Variants in CDS1 observed in about 807,000 individuals in gnomAD.
CDS1 encodes CDP-diacylglycerol synthase 1.
CDS1 carries 41 observed loss-of-function variants against 62.1 expected under a neutral mutation model. That is an observed-to-expected ratio of 0.66 (90% CI 0.51 to 0.86). The LOEUF is 0.86. CDS1 is among the 40% of genes least tolerant of loss of function. The pLI is 0.00. For synonymous variants in CDS1, 185 were observed against 192.6 expected, an observed-to-expected ratio of 0.96 and a Z score of 0.32; for missense variants, 470 against 550.1, an observed-to-expected ratio of 0.85 and a Z score of 1.46.
chr4:84,633,432 G>A (rs558496839), intron 6 of CDS1, among the ~76,000 whole-genome samples: 3 of 152,254 alleles, frequency 2.0e-5, no homozygotes, highest in South Asian at 4.1e-4. Context: ...AAAAGTTACC[G>A]TAATAAACTC....
intron 6 of CDS1, among the ~76,000 whole-genome samples, chr4:84,633,354 T>C (rs896103646): frequency 4.6e-5 from 7 of 152,220 alleles, no homozygotes; most frequent in African/African-American, 1.7e-4. Context: ...GTATGAAAGA[T>C]AGAGTTTAAG....
chr4:84,609,462 TCTAA>T lies in CDS1; in HGVS notation c.283_286del (p.Thr95Ter), dbSNP rs757866654. On this transcript the variant is annotated frameshift_variant, in exon 3 of 13. Transcript: ENST00000295887. LOFTEE classifies it high-confidence loss of function. ...ACTGGTGGATACGTGGAATTCTCACTCTAACTATGATCTCGTTGTTTTTCCTGAT... is the reference window on the plus strand; with the variant it reads ...ACTGGTGGATACGTGGAATTCTCACTCTATGATCTCGTTGTTTTTCCTGAT... 8.7e-6 allele frequency: 14 copies of T among 1,610,934 alleles called. No homozygotes were observed. Among genetic ancestry groups the T allele is most frequent in the Non-Finnish European group, 1.1e-5 (13 of 1,177,266 alleles).
At chr4:84,640,796 TG>T in intron 9 of CDS1, 41 bp from the exon 10 acceptor site, 3 of 1,445,174 alleles carry the variant, frequency 2.1e-6, no homozygotes, top group Non-Finnish European at 2.8e-6. Flanking sequence ...TATGAACTTT[TG>T]CTTTGTTTTT....
chr4:84,604,530 T>A (rs1181667417), intron 2 of CDS1, among the ~76,000 whole-genome samples, 160 bp downstream of exon 2: 1 of 152,224 alleles, frequency 6.6e-6, no homozygotes, highest in East Asian at 1.9e-4. Context: ...ATGTATTTAA[T>A]GTGTATCCAC....
chr4:84,601,030 A>T (rs1722918861), intron 1 of CDS1, among the ~76,000 whole-genome samples: 1 of 151,916 alleles, frequency 6.6e-6, no homozygotes. Context: ...AAAATTAGCC[A>T]GGTGCGGTGG....
intron 2 of CDS1, among the ~76,000 whole-genome samples, chr4:84,609,168 G>A (rs1480264502): frequency 8.2e-5 from 11 of 134,492 alleles, no homozygotes; most frequent in African/African-American, 3.0e-4. Flanking sequence ...GCGACAGAGC[G>A]AGACTCCGTC....
At chr4:84,643,986 AAG>A (rs954990072) in intron 11 of CDS1, among the ~76,000 whole-genome samples, 1 of 152,162 alleles carries the variant, frequency 6.6e-6, no homozygotes, top group African/African-American at 2.4e-5. Context: ...GAAAACTAAG[AAG>A]AGAGTTCCAG....
intron 1 of CDS1, among the ~76,000 whole-genome samples, chr4:84,589,688 G>C (rs535333356): frequency 2.6e-5 from 4 of 152,336 alleles, no homozygotes; most frequent in Middle Eastern, 3.4e-3. Flanking sequence ...TGGTAAGACA[G>C]AGCTGGGTTT....
chr4:84,631,770 C>T (rs770946249), intron 5 of CDS1, 49 bp from the exon 6 acceptor site: 1 of 1,494,938 alleles, frequency 6.7e-7, no homozygotes, highest in Non-Finnish European at 9.3e-7. Flanking sequence ...GAATCTTAAC[C>T]CTTTGTACCA....
chr4:84,607,946 C>T (rs1294509078), intron 2 of CDS1, among the ~76,000 whole-genome samples: 2 of 152,182 alleles, frequency 1.3e-5, no homozygotes, highest in African/African-American at 4.8e-5. Flanking sequence ...CTGGATTTTT[C>T]ATACAGAGCT....
chr4:84,628,437 TC>T (rs1723922052), intron 5 of CDS1, among the ~76,000 whole-genome samples: 9 of 152,200 alleles, frequency 5.9e-5, no homozygotes, highest in Admixed American at 5.9e-4. Flanking sequence ...TTTCTGAAAT[TC>T]CCTCTGTCTC....
rs1722296484 is a variant in CDS1, at chr4:84,583,134, C to G, written c.-268C>G. On this transcript the variant is annotated 5_prime_UTR_variant, in exon 1 of 13. Transcript: ENST00000295887. Reference sequence around the variant, plus strand: ...ACCGGAGGCCGCGTCTCCGCCTTCTCTGCTCGCGCCTGGCGCCCGGAGCCT... The same window carrying G: ...ACCGGAGGCCGCGTCTCCGCCTTCTGTGCTCGCGCCTGGCGCCCGGAGCCT... The G allele has an allele frequency of 2.4e-6, 1 of 408,852 alleles. No homozygotes were observed. 25.3% of individuals were successfully genotyped at this position (408,852 alleles called of 1,614,324 possible).
intron 5 of CDS1, among the ~76,000 whole-genome samples, chr4:84,628,709 T>G (rs1303081835): frequency 6.6e-6 from 1 of 152,174 alleles, no homozygotes; most frequent in Non-Finnish European, 1.5e-5. Flanking sequence ...ATTTTTACTT[T>G]TATTTCATAG....
chr4:84,593,769 G>A (rs372201183), intron 1 of CDS1, among the ~76,000 whole-genome samples: 99 of 152,264 alleles, frequency 6.5e-4, no homozygotes, highest in African/African-American at 2.4e-3. Context: ...CTCCCAAAGT[G>A]CTGGGATTAC....
At chr4:84,598,978 G>A (rs955508239) in intron 1 of CDS1, among the ~76,000 whole-genome samples, 1 of 152,068 alleles carries the variant, frequency 6.6e-6, no homozygotes, top group Non-Finnish European at 1.5e-5. Flanking sequence ...CTCTTTAAGA[G>A]TCCCCATGAA....
At chr4:84,644,716 A>G (rs1724501742) in intron 11 of CDS1, among the ~76,000 whole-genome samples, 1 of 152,172 alleles carries the variant, frequency 6.6e-6, no homozygotes, top group Non-Finnish European at 1.5e-5. Context: ...ATATGGGCTC[A>G]CTGTAATTTT....
At chr4:84,611,870 G>C (rs1723334944) in intron 3 of CDS1, among the ~76,000 whole-genome samples, 1 of 152,118 alleles carries the variant, frequency 6.6e-6, no homozygotes, top group Admixed American at 6.6e-5. Flanking sequence ...CCAGTCTTCT[G>C]TCGCTGAATG....
Position 84,648,776 on chromosome 4 carries a change from A to C in CDS1, c.*90A>C. The C allele has an allele frequency of 7.6e-7, 1 of 1,312,738 alleles. No individual in the cohort carries two copies. The highest frequency in any genetic ancestry group is 1.9e-4 in the Middle Eastern group (1 of 5,250). 81.3% of individuals were successfully genotyped at this position (1,312,738 alleles called of 1,614,324 possible). On this transcript the variant is annotated 3_prime_UTR_variant, in exon 13 of 13. Transcript: ENST00000295887. Reference sequence around the variant, plus strand: ...ATAAATTGTACAGAAAAATAGTTAAAAATGCAATAGGTTGAAGTTTTGGAG... The same window carrying C: ...ATAAATTGTACAGAAAAATAGTTAACAATGCAATAGGTTGAAGTTTTGGAG...
chr4:84,641,063 T>C, intron 10 of CDS1, 73 bp downstream of exon 10: 2 of 907,106 alleles, frequency 2.2e-6, no homozygotes, highest in Non-Finnish European at 3.0e-6. Flanking sequence ...TTATTATTTA[T>C]TTATTTATTT....
Sources: allele counts gnomAD v4.1 joint callset (sites outside exome capture counted in the v4.1 genomes callset), GRCh38; gene constraint gnomAD v4.1.1; transcripts MANE v1.5; gene names NCBI Gene and HGNC (gene_info 2026-07-23, HGNC 2026-07-21).